Variants in TGM4 observed in about 807,000 individuals in gnomAD.
TGM4 encodes the protein protein-glutamine gamma-glutamyltransferase 4.
Under a neutral mutation model 76.3 loss-of-function variants are expected in TGM4, and 61 were observed. The ratio of observed to expected loss-of-function variants is 0.80; its 90% CI spans 0.65 to 0.99. The LOEUF is 0.99. Among genes scored for constraint, TGM4 ranks in the 50% least tolerant of loss-of-function variants. TGM4 has a pLI of 0.00. For synonymous variants in TGM4, 337 were observed against 329.8 expected (o/e 1.02, Z -0.24); for missense variants, 794 against 843.2 (o/e 0.94, Z 0.72).
At chr3:44,900,488 T>C (rs1248037827) in intron 6 of TGM4, among the ~76,000 whole-genome samples, 1 of 152,232 alleles carries the variant, frequency 6.6e-6, no homozygotes, top group African/African-American at 2.4e-5. Flanking sequence ...AAATTAAAAC[T>C]GAACAAACTC....
In TGM4 at chr3:44,887,785, CTG is replaced by C. The variant is rs1440285741; in HGVS notation, c.291_292del (p.Gly98GlnfsTer30). On this transcript the variant is annotated frameshift_variant, in exon 3 of 14. Transcript: ENST00000296125. LOFTEE classifies it high-confidence loss of function. ...TGGCAGGCAACCCTTCAAAATGAGT[CTG>C]GCAAAGAGGTGAGCACCCACTGGGC... 1.2e-6 allele frequency: 2 copies of C among 1,614,176 alleles called. No individual in the cohort carries two copies. Among genetic ancestry groups the C allele is most frequent in the Admixed American group, 3.3e-5 (2 of 60,028 alleles).
intron 5 of TGM4, among the ~76,000 whole-genome samples, chr3:44,895,520 C>G (rs1699767494): frequency 6.6e-6 from 1 of 151,918 alleles, no homozygotes; most frequent in South Asian, 2.1e-4. Flanking sequence ...CCAGGCAGAG[C>G]TGTGGGGAGG....
chr3:44,890,320 T>G (rs1282891004), intron 3 of TGM4: 1 of 319,862 alleles, frequency 3.1e-6, no homozygotes, highest in East Asian at 5.6e-5. Flanking sequence ...GTGAAGCAAG[T>G]GGTGAAGGGA....
At chr3:44,875,604 G>A (rs1699441030) in intron 1 of TGM4, among the ~76,000 whole-genome samples, 2 of 151,966 alleles carry the variant, frequency 1.3e-5, no homozygotes, top group Admixed American at 1.3e-4. Flanking sequence ...GAACAACGAG[G>A]CTGGGTTTGA....
At chr3:44,898,705 G>A (rs1362750017) in intron 6 of TGM4, among the ~76,000 whole-genome samples, 1 of 152,174 alleles carries the variant, frequency 6.6e-6, no homozygotes, top group African/African-American at 2.4e-5. Context: ...CTTGCAGAGT[G>A]GCTGTGAGCC....
At position 44,903,765 on chromosome 3, in the gene TGM4, CCT is replaced by C. The variant is rs1056878206; in HGVS notation, c.972-118_972-117del. On this transcript the variant is annotated intron_variant, in intron 8 of 13. Transcript: ENST00000296125. ...CAGTGTTGACAAAGGTTCCCAAACC[CCT>C]GAGAACAACCTCAGTGGGTCCCCGG... 1.1e-4 allele frequency: 100 copies of C among 938,602 alleles called. 1 individual carries two copies. In the African/African-American group the frequency reaches 1.3e-3, roughly 12 times the overall value. The allele number at this position is 938,602 out of a possible 1,614,324, so 58.1% of individuals were successfully genotyped here.
At chr3:44,906,827 G>A (rs1699927691) in intron 9 of TGM4, 122 bp from the exon 10 acceptor site, 1 of 1,330,570 alleles carries the variant, frequency 7.5e-7, no homozygotes, top group Non-Finnish European at 1.0e-6. Flanking sequence ...GTACCCAGAT[G>A]CTTCTTGGGC....
rs751011171 is a variant in TGM4 at position 44,913,683 on chromosome 3, GAA to G, written c.2015_2016del (p.Lys672ArgfsTer3). The G allele has an allele frequency of 6.2e-7, 1 of 1,614,228 alleles. No homozygotes were observed. The highest frequency in any genetic ancestry group is 1.7e-5 in the Admixed American group (1 of 60,024). On this transcript the variant is annotated frameshift_variant, in exon 14 of 14. Coordinates refer to ENST00000296125, the MANE Select transcript of TGM4 (RefSeq NM_003241.4). LOFTEE classifies it high-confidence loss of function. The stretch of plus-strand genomic sequence containing the variant: ...TCGTCAAGTTAAGTTCCAAACAAGT[GAA>G]AGAGATTAATGCTCAGAAGATTGTT... ...FIVKLSSKQV[K>X]EINAQKIVLI...
chr3:44,914,596 A>G lies in TGM4; in HGVS notation c.*871A>G, dbSNP rs1331934310. On this transcript the variant is annotated 3_prime_UTR_variant, in exon 14 of 14. Transcript: ENST00000296125. ...AAGCTTTAAATTAAACTCTACTTCA[A>G]GAAAACTCTGTGGTCCCTGAGTCCT... 1 of 152,200 alleles carries G rather than the reference A, an allele frequency of 6.6e-6. No homozygotes were observed. Among genetic ancestry groups the G allele is most frequent in the Non-Finnish European group, 1.5e-5 (1 of 68,040 alleles). The allele number at this position is 152,200 out of a possible 1,614,324, so 9.4% of individuals were successfully genotyped here.
At chr3:44,908,440 C>G (rs1699956209) in intron 10 of TGM4, among the ~76,000 whole-genome samples, 1 of 149,018 alleles carries the variant, frequency 6.7e-6, no homozygotes, top group African/African-American at 2.5e-5. Flanking sequence ...ACAGAAGTAT[C>G]AGGGAGGGAG....
intron 2 of TGM4, 126 bp from the exon 3 acceptor site, chr3:44,887,563 G>C: frequency 1.3e-6 from 1 of 762,780 alleles, no homozygotes; most frequent in Non-Finnish European, 2.1e-6. Context: ...TGGAGCCAGG[G>C]GACAAATGAG....
chr3:44,913,172 G>A (rs1336956074), intron 13 of TGM4, among the ~76,000 whole-genome samples: 3 of 152,194 alleles, frequency 2.0e-5, no homozygotes, highest in East Asian at 1.9e-4. Context: ...CTAGTATTGC[G>A]AAGCCCCAGA....
At chr3:44,902,015 G>A in intron 8 of TGM4, 84 bp downstream of exon 8, 3 of 1,522,508 alleles carry the variant, frequency 2.0e-6, no homozygotes, top group Non-Finnish European at 2.7e-6. Context: ...TCTCTCGCTA[G>A]TTTGCCCAGG....
intron 6 of TGM4, among the ~76,000 whole-genome samples, chr3:44,898,449 T>A (rs1355488039): frequency 6.6e-6 from 1 of 152,184 alleles, no homozygotes; most frequent in Non-Finnish European, 1.5e-5. Flanking sequence ...TATGAGAGAA[T>A]GAGAGTGAAG....
In TGM4 at chr3:44,878,909, A is replaced by C. The variant is rs1699488882; in HGVS notation, c.19+4212A>C. Reference sequence around the variant, plus strand: ...TCCCCATTCTTGATTCTCTCCTTTCAGAACAACTATAGTATATAGTTTAGC... The same window carrying C: ...TCCCCATTCTTGATTCTCTCCTTTCCGAACAACTATAGTATATAGTTTAGC... On this transcript the variant is annotated intron_variant, in intron 1 of 13. Transcript: ENST00000296125. 1.3e-5 allele frequency among the ~76,000 whole-genome samples: 2 copies of C among 152,134 alleles called. 1 individual carries two copies. Among genetic ancestry groups the C allele is most frequent in the South Asian group, 4.1e-4 (2 of 4,828 alleles).
chr3:44,878,769 G>A (rs868570519), intron 1 of TGM4, among the ~76,000 whole-genome samples: 7 of 151,858 alleles, frequency 4.6e-5, no homozygotes, highest in Non-Finnish European at 8.8e-5. Flanking sequence ...GGCGTGAGCC[G>A]CTGCGCCTGG....
At chr3:44,905,736 C>A (rs1208176823) in intron 9 of TGM4, among the ~76,000 whole-genome samples, 1 of 152,262 alleles carries the variant, frequency 6.6e-6, no homozygotes, top group African/African-American at 2.4e-5. Context: ...AAACAGCCTC[C>A]ACATTTCTCC....
chr3:44,912,944 A>G (rs150061958), intron 13 of TGM4, among the ~76,000 whole-genome samples: 5 of 152,112 alleles, frequency 3.3e-5, no homozygotes, highest in Non-Finnish European at 7.4e-5. Context: ...ACTTTACTGA[A>G]CTCTAATGTT....
Position 44,901,547 on chromosome 3 carries a change from C to A in TGM4, c.681C>A (p.Gly227=), listed in dbSNP as rs776264062. The change falls in exon 7 of 14, where the codon GGC becomes GGA. Residue 227 remains glycine, a synonymous_variant. Coordinates refer to ENST00000296125, the MANE Select transcript of TGM4 (RefSeq NM_003241.4). The part of the protein sequence containing the change: ...CAMMSFEKGQ[G]VLIGNWTGDY... The stretch of plus-strand genomic sequence containing the variant: ...AGATGAGCTTTGAGAAAGGCCAGGG[C>A]GTGCTCATTGGGAATTGGACTGGGG... 6.2e-7 allele frequency: 1 copy of A among 1,612,226 alleles called. No individual in the cohort carries two copies. The highest frequency in any genetic ancestry group is 1.7e-5 in the Admixed American group (1 of 59,888).
Sources: allele counts gnomAD v4.1 joint callset (sites outside exome capture counted in the v4.1 genomes callset), GRCh38; gene constraint gnomAD v4.1.1; transcripts MANE v1.5; gene names NCBI Gene and HGNC (gene_info 2026-07-23, HGNC 2026-07-21).